STON2: variants seen among roughly 807,000 people sequenced by gnomAD.
STON2 encodes the protein stonin 2, also known as stonin-2.
A neutral mutation model predicts 65.7 loss-of-function variants in STON2; 29 were observed. That is an observed-to-expected ratio of 0.44 (90% confidence interval 0.33 to 0.60). The LOEUF (loss-of-function observed/expected upper bound fraction) is 0.60, where lower values mean the gene tolerates loss of function less well. Ranked by LOEUF, STON2 falls within the 20% of genes least tolerant of loss-of-function variation. The probability of loss-of-function intolerance (pLI) is 0.03; values close to 1 mark genes in which losing one functional copy is unlikely to be tolerated. For missense variants in STON2, 1,054 were observed against 1,118.1 expected (o/e 0.94, Z 0.82); for synonymous variants, 404 against 414.2 (o/e 0.98, Z 0.30).
chr14:81,340,533 G>A (rs911056310), intron 4 of STON2, among the ~76,000 whole-genome samples: 2 of 152,188 alleles, frequency 1.3e-5, no homozygotes, highest in Non-Finnish European at 2.9e-5. Context: ...TTGGCACACA[G>A]ATGTCTTGTG....
chr14:81,368,651 T>G (rs1050536737), intron 4 of STON2, among the ~76,000 whole-genome samples: 1 of 152,012 alleles, frequency 6.6e-6, no homozygotes, highest in African/African-American at 2.4e-5. Flanking sequence ...GAGACAGAGG[T>G]TGCAGTGAGC....
At chr14:81,275,421 G>C (rs1894775428) in intron 6 of STON2, among the ~76,000 whole-genome samples, 1 of 151,952 alleles carries the variant, frequency 6.6e-6, no homozygotes, top group East Asian at 1.9e-4. Flanking sequence ...AGTTATTCAA[G>C]GTCCCTTCCA....
chr14:81,355,984 T>A (rs891913498), intron 4 of STON2, among the ~76,000 whole-genome samples: 105 of 152,314 alleles, frequency 6.9e-4, no homozygotes, highest in South Asian at 1.5e-3. Context: ...CTTTTTCTAA[T>A]TGAATACCCT....
intron 5 of STON2, among the ~76,000 whole-genome samples, chr14:81,307,825 T>G (rs974449035): frequency 2.0e-5 from 3 of 152,252 alleles, no homozygotes; most frequent in African/African-American, 7.2e-5. Flanking sequence ...GTCTGTAGTG[T>G]ATATATAACA....
chr14:81,360,940 T>C (rs1235655306), intron 4 of STON2, among the ~76,000 whole-genome samples: 2 of 151,960 alleles, frequency 1.3e-5, no homozygotes, highest in African/African-American at 4.8e-5. Flanking sequence ...AACAAAAGAA[T>C]ACATTTAACC....
At chr14:81,291,858 T>TACACACAC (rs59366676) in intron 5 of STON2, among the ~76,000 whole-genome samples, 218 of 137,806 alleles carry the variant, frequency 1.6e-3, no homozygotes, top group East Asian at 0.014. Flanking sequence ...TTAGCATGGG[T>TACACACAC]ACACACACAC....
chr14:81,345,340 A>G (rs1897770571), intron 4 of STON2, among the ~76,000 whole-genome samples: 1 of 152,152 alleles, frequency 6.6e-6, no homozygotes, highest in South Asian at 2.1e-4. Flanking sequence ...TGTCTTTATA[A>G]GAAGAGGATG....
intron 6 of STON2, among the ~76,000 whole-genome samples, chr14:81,274,820 G>A (rs1003614906): frequency 6.6e-6 from 1 of 152,042 alleles, no homozygotes. Flanking sequence ...CAGGAGAATC[G>A]CTTGAATCCA....
chr14:81,372,565 A>AAAC (rs1555404141), intron 3 of STON2, among the ~76,000 whole-genome samples: 2 of 111,430 alleles, frequency 1.8e-5, no homozygotes, highest in African/African-American at 6.2e-5. Flanking sequence ...AAAAAAAAAA[A>AAAC]AAGAAGAAGA....
rs553830467 is a variant in STON2, at chr14:81,348,639, A to G, written c.571+22349T>C. ...GAAAGACATCTCATGCCTATGGATC[A>G]CAATAATTAATATTGTTAAAATGAC... On this transcript the variant is annotated intron_variant, in intron 4 of 7. Coordinates refer to ENST00000614646, the MANE Select transcript of STON2 (RefSeq NM_001394390.1). 5.3e-5 allele frequency among the ~76,000 whole-genome samples: 8 copies of G among 152,294 alleles called. 1 individual carries two copies. The South Asian group carries it at 1.0e-3, about 20-fold the overall frequency.
chr14:81,320,053 G>A (rs1896766434), intron 5 of STON2, among the ~76,000 whole-genome samples: 3 of 152,058 alleles, frequency 2.0e-5, no homozygotes, highest in Admixed American at 2.0e-4. Context: ...TCTCTGCTAG[G>A]CCCACTCAAG....
intron 1 of STON2, among the ~76,000 whole-genome samples, chr14:81,432,449 T>C (rs1229153610): frequency 6.6e-6 from 1 of 152,220 alleles, no homozygotes; most frequent in Non-Finnish European, 1.5e-5. Context: ...TTAATTATGA[T>C]GGTGACCTCA....
intron 5 of STON2, among the ~76,000 whole-genome samples, chr14:81,287,165 G>T (rs910457595): frequency 6.6e-6 from 1 of 152,128 alleles, no homozygotes. Flanking sequence ...GCTTATCAAG[G>T]GAGCTTCTAA....
chr14:81,405,494 A>T (rs371780901), intron 2 of STON2, among the ~76,000 whole-genome samples: 2,664 of 39,422 alleles, frequency 0.068, no homozygotes, highest in Middle Eastern at 0.12. Context: ...TATGGTTTTT[A>T]TTTTCCTAAG....
At chr14:81,376,938 T>C (rs1044512847) in intron 3 of STON2, among the ~76,000 whole-genome samples, 2 of 152,198 alleles carry the variant, frequency 1.3e-5, no homozygotes, top group Admixed American at 6.5e-5. Context: ...CGTCCTCTAA[T>C]AGAATATTAC....
Position 81,266,311 on chromosome 14 carries a change from T to A in STON2, c.*2103A>T, listed in dbSNP as rs189163788. On this transcript the variant is annotated 3_prime_UTR_variant, in exon 8 of 8. Coordinates refer to ENST00000614646, the MANE Select transcript of STON2 (RefSeq NM_001394390.1). The stretch of plus-strand genomic sequence containing the variant: ...TCTTATTAGACAATTCTTCCTTATA[T>A]TGAAGCAAACATTTGTCACCTGTAA... 6.6e-5 allele frequency among the ~76,000 whole-genome samples: 10 copies of A among 152,358 alleles called. No homozygotes were observed. The East Asian group carries it at 1.3e-3, about 21-fold the overall frequency.
At chr14:81,325,585 T>C (rs150795038) in intron 4 of STON2, among the ~76,000 whole-genome samples, 118 of 152,316 alleles carry the variant, frequency 7.7e-4, no homozygotes, top group African/African-American at 2.7e-3. Flanking sequence ...AGCAATTTCT[T>C]ATGTATCTGG....
Position 81,265,038 on chromosome 14 carries a change from T to C in STON2, c.*3376A>G, listed in dbSNP as rs1595259721. On this transcript the variant is annotated 3_prime_UTR_variant, in exon 8 of 8. Transcript: ENST00000614646. ...ACTGGTAAAATGAATTCATTTTTAATATTTTCACATTATTGATAACAAAGA... is the reference window on the plus strand; with the variant it reads ...ACTGGTAAAATGAATTCATTTTTAACATTTTCACATTATTGATAACAAAGA... The C allele has an allele frequency of 1.0e-6, 1 of 980,830 alleles. No homozygotes were observed. The highest frequency in any genetic ancestry group is 6.2e-5 in the Admixed American group (1 of 16,236). 60.8% of individuals were successfully genotyped at this position (980,830 alleles called of 1,614,324 possible). A position where few individuals can be genotyped will look rare whatever the true frequency, so the allele number is the denominator to read the frequency against.
intron 3 of STON2, among the ~76,000 whole-genome samples, chr14:81,375,852 T>C (rs1282877534): frequency 6.6e-6 from 1 of 151,336 alleles, no homozygotes; most frequent in Non-Finnish European, 1.5e-5. Flanking sequence ...CTGGTTATGA[T>C]ACAATTAAGT....
Sources: gnomAD v4.1 joint callset for allele counts (sites outside exome capture counted in the v4.1 genomes callset) on GRCh38, gnomAD v4.1.1 for gene constraint, MANE v1.5 for transcripts, NCBI Gene and HGNC (gene_info 2026-07-23, HGNC 2026-07-21) for gene names.